Variants in KAZN observed in about 807,000 individuals in gnomAD.
KAZN encodes the protein kazrin.
A neutral mutation model predicts 87.4 loss-of-function variants in KAZN; 40 were observed. That is an observed-to-expected ratio of 0.46 (90% confidence interval 0.36 to 0.60). The LOEUF (loss-of-function observed/expected upper bound fraction) is 0.60, where lower values mean the gene tolerates loss of function less well. Ranked by LOEUF, KAZN falls within the 20% of genes least tolerant of loss-of-function variation. The pLI, the probability that KAZN is intolerant of heterozygous loss-of-function variation, is 0.00. For synonymous variants in KAZN, 466 were observed against 458.3 expected, an observed-to-expected ratio of 1.02 and a Z score of -0.22; for missense variants, 898 against 1,073.9, an observed-to-expected ratio of 0.84 and a Z score of 2.29.
intron 1 of KAZN, among the ~76,000 whole-genome samples, chr1:14,128,871 A>G (rs1644930794): frequency 6.6e-6 from 1 of 152,162 alleles, no homozygotes; most frequent in African/African-American, 2.4e-5. Context: ...TCAACCCTTC[A>G]ACCCATCTGA....
rs1369146857 is a variant in KAZN, at chr1:15,056,462, G to A, written c.916+182G>A. ...TGGACAGCAGGCATAGCTGGATCCA[G>A]AGGTTCAAACACTATCTGGGTCCCT... On this transcript the variant is annotated intron_variant, in intron 5 of 14. Transcript: ENST00000376030. This position sits in a 1 kb window ranked among gnomAD's most constrained non-coding sequence, Gnocchi z 5.4. Among the ~76,000 whole-genome samples, 4 of 152,190 alleles carry A rather than the reference G, an allele frequency of 2.6e-5. No individual in the cohort carries two copies. The highest frequency in any genetic ancestry group is 5.9e-5 in the Non-Finnish European group (4 of 68,020).
At chr1:14,020,115 A>C (rs1373661280) in intron 1 of KAZN, among the ~76,000 whole-genome samples, 1 of 152,044 alleles carries the variant, frequency 6.6e-6, no homozygotes, top group Non-Finnish European at 1.5e-5. Context: ...TTGCATGCAC[A>C]ATTCACAGTA....
intron 2 of KAZN, among the ~76,000 whole-genome samples, chr1:14,484,785 G>A (rs1669262147): frequency 6.6e-6 from 1 of 152,140 alleles, no homozygotes; most frequent in Admixed American, 6.5e-5. Flanking sequence ...TGGGATAACT[G>A]TGTTGATTCA....
At chr1:14,176,734 C>A (rs1646083877) in intron 1 of KAZN, among the ~76,000 whole-genome samples, 1 of 152,220 alleles carries the variant, frequency 6.6e-6, no homozygotes, top group Admixed American at 6.5e-5. Flanking sequence ...AAGTTTGATT[C>A]TCCATGATTC....
Position 14,247,636 on chromosome 1 carries a change from G to A in KAZN, c.249+67044G>A, listed in dbSNP as rs151213472. 5.3e-3 allele frequency among the ~76,000 whole-genome samples: 810 copies of A among 152,284 alleles called. 8 individuals are homozygous for A. Among genetic ancestry groups the A allele is most frequent in the Non-Finnish European group, 8.6e-3 (586 of 68,024 alleles). ...AAGAAATGTGTTTTCTCACATTTTA[G>A]GAAGTGCTTCGTGATCGATACGCAT... On this transcript the variant is annotated intron_variant, in intron 2 of 16. Transcript: ENST00000636203.
rs754099228 is a variant in KAZN, at chr1:15,065,680, G to C, written c.1149G>C (p.Met383Ile). 2 of 1,614,194 alleles carry C rather than the reference G, an allele frequency of 1.2e-6. No individual in the cohort carries two copies. Among genetic ancestry groups the C allele is most frequent in the Non-Finnish European group, 1.7e-6 (2 of 1,180,010 alleles). ...AACGGAAAAAGAAGAAAGAGAAGAT[G>C]GGATTCGGCTCCATCTCCCGCGTCT... ...DQKRKKKKEKMGFGSISRVFA... is the reference protein window; with the variant it reads ...DQKRKKKKEKIGFGSISRVFA... The change falls in exon 8 of 15, where the codon ATG (methionine) becomes ATC (isoleucine). Residue 383 changes from methionine (M) to isoleucine (I), a missense_variant. Physicochemically the swap from Met to Ile is conservative, Grantham distance 10. This residue lies in a region of KAZN where 521 missense variants were observed against 689.4 expected (regional missense o/e 0.76). Coordinates refer to ENST00000376030, the MANE Select transcript of KAZN (RefSeq NM_201628.3).
At chr1:14,369,029 G>A (rs546374577) in intron 2 of KAZN, among the ~76,000 whole-genome samples, 64 of 152,242 alleles carry the variant, frequency 4.2e-4, no homozygotes, top group Admixed American at 8.5e-4. Context: ...TGGGCTTCCC[G>A]GGAGTTGAAT....
chr1:14,842,119 CTT>C (rs1172875955), intron 1 of KAZN, among the ~76,000 whole-genome samples: 3 of 152,276 alleles, frequency 2.0e-5, no homozygotes, highest in Admixed American at 6.5e-5. Context: ...GCTGATTTGT[CTT>C]TGTTATTCTC....
chr1:14,058,447 GA>G, intron 1 of KAZN, among the ~76,000 whole-genome samples: 1 of 152,168 alleles, frequency 6.6e-6, no homozygotes, highest in Admixed American at 6.5e-5. Context: ...AATATATAAA[GA>G]AGAAGAAAAA....
intron 1 of KAZN, among the ~76,000 whole-genome samples, chr1:14,943,010 GTGT>G (rs1661289998): frequency 2.9e-4 from 22 of 76,640 alleles, no homozygotes; most frequent in African/African-American, 7.6e-4. Flanking sequence ...TGTGTGTGGT[GTGT>G]GTGTGTGTGT....
At chr1:14,312,651 G>A (rs12042048) in intron 2 of KAZN, among the ~76,000 whole-genome samples, 19,415 of 152,022 alleles carry the variant, frequency 0.13, 2,206 homozygotes, top group African/African-American at 0.31. Context: ...TGTACTGGGC[G>A]TAGTAACTTG....
chr1:14,069,199 G>A (rs1259710133), intron 1 of KAZN, among the ~76,000 whole-genome samples: 1 of 152,194 alleles, frequency 6.6e-6, no homozygotes, highest in Non-Finnish European at 1.5e-5. Context: ...ATGGAACCTG[G>A]TAAGTGAGTC....
At chr1:14,296,826 G>A (rs546041829) in intron 2 of KAZN, among the ~76,000 whole-genome samples, 14 of 151,826 alleles carry the variant, frequency 9.2e-5, no homozygotes, top group South Asian at 2.1e-4. Context: ...TAGTAGAGAC[G>A]GGATTTCACC....
chr1:14,028,397 C>T (rs1641176328), intron 1 of KAZN, among the ~76,000 whole-genome samples: 1 of 152,058 alleles, frequency 6.6e-6, no homozygotes, highest in Non-Finnish European at 1.5e-5. Flanking sequence ...TCCTGGAGCT[C>T]GAATTTGTCT....
At chr1:14,510,475 T>G (rs1381442001) in intron 2 of KAZN, among the ~76,000 whole-genome samples, 8 of 152,138 alleles carry the variant, frequency 5.3e-5, no homozygotes, top group Admixed American at 5.2e-4. Flanking sequence ...GGGATATACT[T>G]TATACTAAAA....
intron 1 of KAZN, among the ~76,000 whole-genome samples, chr1:14,823,702 A>T (rs1163011448): frequency 6.6e-6 from 1 of 152,186 alleles, no homozygotes; most frequent in Non-Finnish European, 1.5e-5. Flanking sequence ...CAGATCGTAT[A>T]GTGTGTGGAA....
chr1:14,259,324 C>T (rs533618983), intron 2 of KAZN, among the ~76,000 whole-genome samples: 2 of 152,140 alleles, frequency 1.3e-5, no homozygotes, highest in African/African-American at 2.4e-5. Context: ...GTATATTGTG[C>T]TCCTTTCCCT....
At chr1:13,959,284 C>T (rs1641665630) in intron 1 of KAZN, among the ~76,000 whole-genome samples, 1 of 152,156 alleles carries the variant, frequency 6.6e-6, no homozygotes, top group South Asian at 2.1e-4. Flanking sequence ...CTTAGACTTC[C>T]CAGCCTCCAG....
intron 1 of KAZN, among the ~76,000 whole-genome samples, chr1:14,873,331 A>G (rs1652395176): frequency 6.6e-6 from 1 of 152,268 alleles, no homozygotes; most frequent in Non-Finnish European, 1.5e-5. Context: ...AGAAGAAAAC[A>G]AATAGCATAA....
Sources: allele counts gnomAD v4.1 joint callset (sites outside exome capture counted in the v4.1 genomes callset), GRCh38; gene constraint gnomAD v4.1.1; regional missense constraint gnomAD v4.1.1; non-coding constraint Gnocchi (gnomAD v3.1); transcripts MANE v1.5; gene names NCBI Gene and HGNC (gene_info 2026-07-23, HGNC 2026-07-21).